CTNND2: variants seen among roughly 807,000 people sequenced by gnomAD.
CTNND2 encodes catenin delta-2.
CTNND2 carries 22 observed loss-of-function variants against 144.4 expected under a neutral mutation model. That is an observed-to-expected ratio of 0.15 (90% CI 0.11 to 0.22). The LOEUF (loss-of-function observed/expected upper bound fraction) is 0.22, where lower values mean the gene tolerates loss of function less well. Among genes scored for constraint, CTNND2 ranks in the 10% least tolerant of loss-of-function variants. The pLI is 1.00. For synonymous variants in CTNND2, 751 were observed against 695.6 expected (o/e 1.08, Z -1.25); for missense variants, 1,353 against 1,618.8 (o/e 0.84, Z 2.82).
intron 8 of CTNND2, among the ~76,000 whole-genome samples, chr5:11,351,051 T>C (rs1318536077): frequency 1.6e-4 from 25 of 152,200 alleles, no homozygotes; most frequent in Non-Finnish European, 4.4e-5. Flanking sequence ...TATTTAGACA[T>C]TGATGTGGCT....
chr5:11,414,563 G>A (rs1272696866), intron 3 of CTNND2, among the ~76,000 whole-genome samples: 1 of 152,082 alleles, frequency 6.6e-6, no homozygotes, highest in Non-Finnish European at 1.5e-5. Flanking sequence ...ATCCCAGCAG[G>A]GATTTAAACT....
At position 11,556,837 on chromosome 5, in the gene CTNND2, C is replaced by T. The variant is rs145282985; in HGVS notation, c.287+8107G>A. ...AGCAAGCAACTGTTAATATTTATTA[C>T]GTTTTATCCTTTTAGGTGTAGCTAA... On this transcript the variant is annotated intron_variant, in intron 3 of 21. Transcript: ENST00000304623. Among the ~76,000 whole-genome samples the T allele has an allele frequency of 1.6e-4, 24 of 152,158 alleles. No homozygotes were observed. The East Asian group carries it at 3.3e-3, about 21-fold the overall frequency.
At chr5:11,255,633 G>C (rs56302242) in intron 9 of CTNND2, among the ~76,000 whole-genome samples, 1 of 152,268 alleles carries the variant, frequency 6.6e-6, no homozygotes, top group African/African-American at 2.4e-5. Flanking sequence ...GTAGGATGCA[G>C]ATGAAGGAAG....
chr5:11,575,302 C>A (rs1038991323), intron 2 of CTNND2, among the ~76,000 whole-genome samples: 2 of 152,150 alleles, frequency 1.3e-5, no homozygotes, highest in African/African-American at 2.4e-5. Flanking sequence ...TTGACCTCAA[C>A]AAATAATGTT....
intron 2 of CTNND2, among the ~76,000 whole-genome samples, chr5:11,580,739 T>C (rs967475478): frequency 6.6e-6 from 1 of 152,218 alleles, no homozygotes; most frequent in African/African-American, 2.4e-5. Flanking sequence ...ATCAAATTCA[T>C]AGTATGGTTT....
chr5:11,602,904 C>T (rs2126339097), intron 2 of CTNND2, among the ~76,000 whole-genome samples: 1 of 150,090 alleles, frequency 6.7e-6, no homozygotes, highest in African/African-American at 2.5e-5. Context: ...CAAACTTTGT[C>T]CTATAATTCT....
chr5:11,853,627 C>G (rs1205178641), intron 1 of CTNND2, among the ~76,000 whole-genome samples: 2 of 152,200 alleles, frequency 1.3e-5, no homozygotes, highest in Admixed American at 6.5e-5. Context: ...GAACTTGAAA[C>G]TCATCTCAAG....
chr5:11,629,353 C>T (rs982387158), intron 2 of CTNND2, among the ~76,000 whole-genome samples: 1 of 152,186 alleles, frequency 6.6e-6, no homozygotes, highest in African/African-American at 2.4e-5. Flanking sequence ...ACAGATCTAT[C>T]TGGTGTCTGA....
At chr5:11,315,563 T>C (rs561328820) in intron 9 of CTNND2, among the ~76,000 whole-genome samples, 103 of 152,344 alleles carry the variant, frequency 6.8e-4, no homozygotes, top group African/African-American at 2.3e-3. Flanking sequence ...TGTGGATAGA[T>C]GTTTATGTTA....
At chr5:11,656,219 A>G (rs2126552261) in intron 2 of CTNND2, among the ~76,000 whole-genome samples, 1 of 152,166 alleles carries the variant, frequency 6.6e-6, no homozygotes, top group East Asian at 1.9e-4. Flanking sequence ...TAATTCATAT[A>G]TACGTTACCT....
At chr5:11,150,617 C>CTTTTT (rs10602477) in intron 12 of CTNND2, among the ~76,000 whole-genome samples, 3 of 72,014 alleles carry the variant, frequency 4.2e-5, no homozygotes, top group Admixed American at 1.9e-4. Flanking sequence ...CTGCTGCCTT[C>CTTTTT]TTTTTTTTTT....
At chr5:11,602,635 C>A (rs1285734579) in intron 2 of CTNND2, among the ~76,000 whole-genome samples, 1 of 146,124 alleles carries the variant, frequency 6.8e-6, no homozygotes, top group East Asian at 2.0e-4. Flanking sequence ...CTCTCTCTCT[C>A]TAGATATATG....
At chr5:11,304,027 G>A (rs951803355) in intron 9 of CTNND2, among the ~76,000 whole-genome samples, 1 of 152,084 alleles carries the variant, frequency 6.6e-6, no homozygotes, top group African/African-American at 2.4e-5. Context: ...CATGTAAGAG[G>A]TGGCTTTCAC....
chr5:11,462,897 G>A (rs933855303), intron 3 of CTNND2, among the ~76,000 whole-genome samples: 10 of 151,330 alleles, frequency 6.6e-5, no homozygotes, highest in South Asian at 2.1e-4. Context: ...AAGCTGCCTC[G>A]GCCTCATGTG....
intron 10 of CTNND2, among the ~76,000 whole-genome samples, chr5:11,214,865 C>G (rs887192532): frequency 1.3e-5 from 2 of 152,138 alleles, no homozygotes; most frequent in African/African-American, 2.4e-5. Flanking sequence ...GATGGTATGA[C>G]CACCCCTTCC....
chr5:11,110,725 A>G lies in CTNND2; in HGVS notation c.2463+133T>C, dbSNP rs531684222. Reference sequence around the variant, plus strand: ...GTCTCAGCTGTGAAATTCCCACAGGAAAATTGTGCAGATGCATTAGTGATT... The same window carrying G: ...GTCTCAGCTGTGAAATTCCCACAGGGAAATTGTGCAGATGCATTAGTGATT... On this transcript the variant is annotated intron_variant, in intron 14 of 21. Coordinates refer to ENST00000304623, the MANE Select transcript of CTNND2 (RefSeq NM_001332.4). The G allele has an allele frequency of 2.1e-4, 172 of 812,678 alleles. No individual in the cohort carries two copies. The African/African-American group carries it at 2.8e-3, about 13-fold the overall frequency. 50.3% of individuals were successfully genotyped at this position (812,678 alleles called of 1,614,324 possible).
intron 2 of CTNND2, among the ~76,000 whole-genome samples, chr5:11,662,497 T>C (rs1198808840): frequency 2.6e-5 from 4 of 151,938 alleles, no homozygotes; most frequent in East Asian, 1.9e-4. Flanking sequence ...TCTAGACTTT[T>C]CACGATTTTC....
intron 8 of CTNND2, among the ~76,000 whole-genome samples, chr5:11,361,265 C>T (rs1252230189): frequency 3.9e-5 from 6 of 152,176 alleles, no homozygotes; most frequent in Non-Finnish European, 8.8e-5. Context: ...AAGTGATCTA[C>T]CCACCTCGGC....
chr5:11,890,702 T>G (rs2127096293), intron 1 of CTNND2, among the ~76,000 whole-genome samples: 1 of 152,264 alleles, frequency 6.6e-6, no homozygotes, highest in Non-Finnish European at 1.5e-5. Flanking sequence ...GAAGGAGACA[T>G]GGAAACAAAC....
Sources: allele counts gnomAD v4.1 joint callset (sites outside exome capture counted in the v4.1 genomes callset), GRCh38; gene constraint gnomAD v4.1.1; transcripts MANE v1.5; gene names NCBI Gene and HGNC (gene_info 2026-07-23, HGNC 2026-07-21).